Variants in EYS observed in about 807,000 individuals in gnomAD.
EYS encodes the protein EGF-like photoreceptor maintenance factor.
EYS carries 250 observed loss-of-function variants against 282.1 expected under a neutral mutation model. That is an observed-to-expected ratio of 0.89 (90% CI 0.80 to 0.98). EYS has a LOEUF of 0.98. Among genes scored for constraint, EYS ranks in the 50% least tolerant of loss-of-function variants. EYS has a pLI of 0.00. For synonymous variants in EYS, 1,355 were observed against 1,282.9 expected (o/e 1.06, Z -1.20); for missense variants, 4,016 against 3,709.0 (o/e 1.08, Z -2.15).
At chr6:65,086,909 A>C (rs1233454996) in intron 12 of EYS, among the ~76,000 whole-genome samples, 1 of 150,880 alleles carries the variant, frequency 6.6e-6, no homozygotes, top group African/African-American at 2.4e-5. Context: ...CTGCACCTCC[A>C]CCTCCCAGGT....
At chr6:65,013,996 C>T (rs889879026) in intron 13 of EYS, among the ~76,000 whole-genome samples, 2 of 152,168 alleles carry the variant, frequency 1.3e-5, no homozygotes, top group Admixed American at 6.5e-5. Context: ...CATCAAAAGA[C>T]ACATTATCTT....
intron 5 of EYS, among the ~76,000 whole-genome samples, chr6:65,461,145 G>A (rs1240297897): frequency 6.6e-6 from 1 of 152,056 alleles, no homozygotes; most frequent in Admixed American, 6.6e-5. Flanking sequence ...ATATAAATGA[G>A]GCAACAATGG....
At chr6:63,775,213 A>G (rs1412725048) in intron 40 of EYS, among the ~76,000 whole-genome samples, 1 of 152,158 alleles carries the variant, frequency 6.6e-6, no homozygotes, top group East Asian at 1.9e-4. Flanking sequence ...CAGGGTCCTG[A>G]ACACACTGGA....
intron 29 of EYS, among the ~76,000 whole-genome samples, chr6:64,337,731 C>T (rs1210886960): frequency 6.6e-6 from 1 of 151,944 alleles, no homozygotes; most frequent in African/African-American, 2.4e-5. Flanking sequence ...AAATCCTTAA[C>T]AAAATACTAG....
intron 5 of EYS, among the ~76,000 whole-genome samples, chr6:65,434,586 T>G (rs2150387019): frequency 6.6e-6 from 1 of 152,252 alleles, no homozygotes; most frequent in East Asian, 1.9e-4. Flanking sequence ...TCCAAAGTGT[T>G]GAGATTACAG....
chr6:64,393,787 T>G (rs1773252356), intron 28 of EYS, among the ~76,000 whole-genome samples: 1 of 151,840 alleles, frequency 6.6e-6, no homozygotes, highest in Admixed American at 6.6e-5. Flanking sequence ...GCCAGGGCAA[T>G]TAGGCAGGAG....
intron 31 of EYS, among the ~76,000 whole-genome samples, chr6:64,151,311 GTATATTTA>G (rs67078788): frequency 0.042 from 3,629 of 86,900 alleles, 81 homozygotes; most frequent in South Asian, 0.083. Context: ...GTGTGTGTGT[GTATATTTA>G]TATATATATA....
intron 22 of EYS, among the ~76,000 whole-genome samples, chr6:64,778,554 TA>T (rs1773753066): frequency 6.6e-6 from 1 of 152,078 alleles, no homozygotes; most frequent in African/African-American, 2.4e-5. Context: ...TCTGAGAATT[TA>T]AACATGAATC....
intron 7 of EYS, among the ~76,000 whole-genome samples, chr6:65,386,168 G>A (rs1765794638): frequency 6.8e-6 from 1 of 147,216 alleles, no homozygotes; most frequent in Non-Finnish European, 1.5e-5. Context: ...AAACAGAGCA[G>A]GTTTTATTGA....
Position 63,822,409 on chromosome 6 carries a change from G to A in EYS, c.7229-16037C>T, listed in dbSNP as rs533236438. ...TTACAGGCATGAGCCACCACACCTG[G>A]CCACATGAAAGCATGAAATTTAATG... On this transcript the variant is annotated intron_variant, in intron 36 of 42. Transcript: ENST00000503581. 5.9e-5 allele frequency: 9 copies of A among 152,268 alleles called. No individual in the cohort carries two copies. In the East Asian group the frequency reaches 9.7e-4, roughly 16 times the overall value. The allele number at this position is 152,268 out of a possible 1,614,324, so 9.4% of individuals were successfully genotyped here.
At chr6:64,440,727 A>T (rs897640972) in intron 26 of EYS, among the ~76,000 whole-genome samples, 3 of 152,168 alleles carry the variant, frequency 2.0e-5, no homozygotes, top group Non-Finnish European at 4.4e-5. Context: ...AAAGTCATGT[A>T]TCAGTTTGAT....
chr6:65,222,727 T>G (rs1018321154), intron 12 of EYS, among the ~76,000 whole-genome samples: 11 of 152,208 alleles, frequency 7.2e-5, no homozygotes, highest in African/African-American at 2.7e-4. Flanking sequence ...AGTCACAGGA[T>G]CTTTGCTCAG....
chr6:65,224,693 A>C, intron 12 of EYS, among the ~76,000 whole-genome samples: 1 of 152,322 alleles, frequency 6.6e-6, no homozygotes, highest in South Asian at 2.1e-4. Context: ...CAAATCACTA[A>C]AATTAGAAAT....
intron 19 of EYS, among the ~76,000 whole-genome samples, chr6:64,831,297 T>TATCA (rs1395527332): frequency 1.3e-5 from 2 of 151,992 alleles, no homozygotes; most frequent in Non-Finnish European, 2.9e-5. Context: ...GGAAAATGTA[T>TATCA]ATCATTAATA....
chr6:63,880,626 C>T (rs1480635640), intron 35 of EYS, among the ~76,000 whole-genome samples: 1 of 152,152 alleles, frequency 6.6e-6, no homozygotes, highest in Admixed American at 6.5e-5. Flanking sequence ...TAACTGAAAA[C>T]AGTTTTCCTG....
chr6:64,547,170 C>A (rs1438510504), intron 26 of EYS, among the ~76,000 whole-genome samples: 1 of 150,056 alleles, frequency 6.7e-6, no homozygotes, highest in Non-Finnish European at 1.5e-5. Flanking sequence ...GAGTGAGCAG[C>A]AGCAAGATTT....
intron 22 of EYS, among the ~76,000 whole-genome samples, chr6:64,628,646 G>T (rs1418300079): frequency 6.6e-6 from 1 of 152,018 alleles, no homozygotes; most frequent in Non-Finnish European, 1.5e-5. Flanking sequence ...ATGCTATGTT[G>T]CCCAGTCACA....
intron 8 of EYS, among the ~76,000 whole-genome samples, chr6:65,377,621 C>A (rs1444675031): frequency 6.6e-6 from 1 of 151,826 alleles, no homozygotes; most frequent in Admixed American, 6.6e-5. Context: ...AATAGATAGA[C>A]CACTAGCCAG....
At chr6:65,536,521 A>C (rs754059248) in intron 2 of EYS, among the ~76,000 whole-genome samples, 4 of 152,170 alleles carry the variant, frequency 2.6e-5, no homozygotes, top group Non-Finnish European at 4.4e-5. Context: ...GAGTAGTTCA[A>C]GAAAAAGCCA....
Sources: allele counts gnomAD v4.1 joint callset (sites outside exome capture counted in the v4.1 genomes callset), GRCh38; gene constraint gnomAD v4.1.1; transcripts MANE v1.5; gene names NCBI Gene and HGNC (gene_info 2026-07-23, HGNC 2026-07-21).